Variants in FN1 observed in about 807,000 individuals in gnomAD.
FN1 encodes fibronectin 1.
FN1 carries 106 observed loss-of-function variants against 297.3 expected under a neutral mutation model. The ratio of observed to expected loss-of-function variants is 0.36; its 90% CI spans 0.30 to 0.42. FN1 has a LOEUF of 0.42. Ranked by LOEUF, FN1 falls within the 10% of genes least tolerant of loss-of-function variation. FN1 has a pLI of 1.00. For missense variants in FN1, 2,690 were observed against 3,124.9 expected (o/e 0.86, Z 3.32); for synonymous variants, 1,149 against 1,152.6 (o/e 1.00, Z 0.06).
intron 35 of FN1, among the ~76,000 whole-genome samples, 193 bp downstream of exon 35, chr2:215,377,982 A>T (rs2057613116): frequency 6.6e-6 from 1 of 151,734 alleles, no homozygotes; most frequent in Non-Finnish European, 1.5e-5. Flanking sequence ...TATTTATTTT[A>T]TTTTTTTTAA....
chr2:215,377,854 G>A (rs894954289), intron 35 of FN1, among the ~76,000 whole-genome samples: 2 of 152,184 alleles, frequency 1.3e-5, no homozygotes, highest in African/African-American at 4.8e-5. Context: ...TGGGTCAGTA[G>A]ACCCCTTTCT....
chr2:215,430,400 A>C (rs1436262705), intron 5 of FN1, among the ~76,000 whole-genome samples: 1 of 152,152 alleles, frequency 6.6e-6, no homozygotes, highest in Admixed American at 6.5e-5. Flanking sequence ...ATTCTTTTTA[A>C]TTTTATCAAT....
At chr2:215,413,929 C>T (rs1183234266) in intron 13 of FN1, among the ~76,000 whole-genome samples, 1 of 152,018 alleles carries the variant, frequency 6.6e-6, no homozygotes, top group Non-Finnish European at 1.5e-5. Flanking sequence ...TTTCTGGGCA[C>T]CTAGGAGGCC....
Position 215,384,995 on chromosome 2 carries a change from C to T in FN1, c.4613-19G>A, listed in dbSNP as rs2058718775. On this transcript the variant is annotated intron_variant, in intron 28 of 45. Coordinates refer to ENST00000354785, the MANE Select transcript of FN1 (RefSeq NM_212482.4). Reference sequence around the variant, plus strand: ...TCAGAAACTAGAAAAAAAAGGGAAACTTTTCACATCCGTAATTTTCAAACA... The same window carrying T: ...TCAGAAACTAGAAAAAAAAGGGAAATTTTTCACATCCGTAATTTTCAAACA... 3 of 1,476,180 alleles carry T rather than the reference C, an allele frequency of 2.0e-6. No homozygotes were observed. The highest frequency in any genetic ancestry group is 1.9e-6 in the Non-Finnish European group (2 of 1,054,480). 91.4% of individuals were successfully genotyped at this position (1,476,180 alleles called of 1,614,324 possible).
intron 1 of FN1, among the ~76,000 whole-genome samples, chr2:215,435,081 G>C (rs1396342432): frequency 2.6e-5 from 4 of 152,096 alleles, no homozygotes; most frequent in African/African-American, 9.7e-5. Flanking sequence ...AGTCAAAAAG[G>C]ACAACTTTAA....
rs767962711 is a variant in FN1 at position 215,425,047 on chromosome 2, T to G, written c.1036+47A>C. The G allele has an allele frequency of 3.2e-6, 5 of 1,542,548 alleles. No individual in the cohort carries two copies. In the South Asian group the frequency reaches 4.5e-5, roughly 14 times the overall value. ...TGAAAATGTATTGTCCTTCAAAAACTAAATAATAAAGTCATCAGTCCTATT... is the reference window on the plus strand; with the variant it reads ...TGAAAATGTATTGTCCTTCAAAAACGAAATAATAAAGTCATCAGTCCTATT... On this transcript the variant is annotated intron_variant, in intron 7 of 45. Coordinates refer to ENST00000354785, the MANE Select transcript of FN1 (RefSeq NM_212482.4).
At chr2:215,414,763 G>T in intron 13 of FN1, 74 bp downstream of exon 13, 1 of 1,597,802 alleles carries the variant, frequency 6.3e-7, no homozygotes, top group Non-Finnish European at 8.5e-7. Context: ...CTCAAAAGCT[G>T]GGAAAAAAAG....
chr2:215,391,021 G>A (rs2059646103), intron 26 of FN1, among the ~76,000 whole-genome samples: 1 of 152,086 alleles, frequency 6.6e-6, no homozygotes, highest in South Asian at 2.1e-4. Flanking sequence ...TTCTATAATG[G>A]TTGGGACTAG....
chr2:215,418,630 T>G (rs1467697519), intron 12 of FN1, among the ~76,000 whole-genome samples: 8 of 152,160 alleles, frequency 5.3e-5, no homozygotes, highest in Admixed American at 5.2e-4. Context: ...AATGAACTAA[T>G]TACACCTACA....
chr2:215,421,390 A>C lies in FN1; in HGVS notation c.1547-589T>G, dbSNP rs1213631108. The C allele has an allele frequency of 3.2e-5, 6 of 188,238 alleles. No homozygotes were observed. The South Asian group carries it at 6.8e-4, about 21-fold the overall frequency. The allele number at this position is 188,238 out of a possible 1,614,324, so 11.7% of individuals were successfully genotyped here. ...GGTCTCAGCTCCTTGATCTATATAG[A>C]GTGAGGTCTCTATGTGTTATTAAGG... On this transcript the variant is annotated intron_variant, in intron 10 of 45. Transcript: ENST00000354785.
At chr2:215,404,719 T>C in intron 19 of FN1, 64 bp from the exon 20 acceptor site, 1 of 1,422,150 alleles carries the variant, frequency 7.0e-7, no homozygotes, top group Non-Finnish European at 9.9e-7. Context: ...ACTCAAGTCC[T>C]GAAACTTGAT....
intron 10 of FN1, chr2:215,421,050 GA>G: frequency 4.3e-6 from 2 of 461,634 alleles, no homozygotes; most frequent in Non-Finnish European, 8.0e-6. Context: ...CTCAAGTAAA[GA>G]ATGTGGTAAA....
intron 41 of FN1, among the ~76,000 whole-genome samples, chr2:215,369,820 T>C (rs1253720984): frequency 6.6e-6 from 1 of 152,196 alleles, no homozygotes; most frequent in Non-Finnish European, 1.5e-5. Flanking sequence ...ACAATGTTGG[T>C]AGCATTTTAT....
chr2:215,379,033 CAGTT>C (rs1336295040), intron 34 of FN1, 93 bp downstream of exon 34: 7 of 1,083,170 alleles, frequency 6.5e-6, no homozygotes, highest in African/African-American at 6.2e-5. Flanking sequence ...AGGAAAAGAA[CAGTT>C]AGATTTATTA....
intron 17 of FN1, among the ~76,000 whole-genome samples, chr2:215,407,759 G>A (rs190485029): frequency 6.6e-6 from 1 of 152,232 alleles, no homozygotes; most frequent in African/African-American, 2.4e-5. Context: ...CGACAGCTCA[G>A]CTTTCTCCTT....
intron 13 of FN1, among the ~76,000 whole-genome samples, chr2:215,412,429 G>T (rs2062789812): frequency 6.6e-6 from 1 of 152,080 alleles, no homozygotes; most frequent in Non-Finnish European, 1.5e-5. Context: ...GAGACTTGAT[G>T]ATTTATTTAT....
rs372963822 is a variant in FN1, at chr2:215,362,072, C to T, written c.7259G>A (p.Arg2420His). The change falls in exon 45 of 46, where the codon CGC (arginine) becomes CAC (histidine). Residue 2420 changes from arginine to histidine, a missense_variant. Physicochemically the swap from Arg to His is conservative, Grantham distance 29. Around this residue, in one of 3 missense-constraint regions of FN1, gnomAD observed 1,743 missense variants for 1,945.2 expected, o/e 0.90. Transcript: ENST00000354785. ...CTCFGGQRGW[R>H]CDNCRRPGGE... is the part of the protein sequence containing the mutation. ...CCCAGGTCTGCGGCAGTTGTCACAGCGCCAGCCCTGAGAGAGTAGAGGCAT... is the reference window on the plus strand; with the variant it reads ...CCCAGGTCTGCGGCAGTTGTCACAGTGCCAGCCCTGAGAGAGTAGAGGCAT... The T allele has an allele frequency of 1.1e-5, 17 of 1,613,388 alleles. No individual in the cohort carries two copies. The highest frequency in any genetic ancestry group is 2.7e-5 in the African/African-American group (2 of 75,002).
At chr2:215,424,359 G>A (rs907978390) in intron 7 of FN1, 34 bp from the exon 8 acceptor site, 3 of 1,583,508 alleles carry the variant, frequency 1.9e-6, no homozygotes, top group Non-Finnish European at 2.6e-6. Flanking sequence ...TCAGTAAACA[G>A]AGATGCTTTA....
intron 39 of FN1, among the ~76,000 whole-genome samples, chr2:215,372,814 T>A (rs1184508862): frequency 6.6e-6 from 1 of 152,226 alleles, no homozygotes. Context: ...TTTCATGGTT[T>A]GAAATGGTAA....
Sources: gnomAD v4.1 joint callset for allele counts (sites outside exome capture counted in the v4.1 genomes callset) on GRCh38, gnomAD v4.1.1 for gene constraint, gnomAD v4.1.1 regional missense constraint, MANE v1.5 for transcripts, NCBI Gene and HGNC (gene_info 2026-07-23, HGNC 2026-07-21) for gene names.